RBFOX3: variants seen among roughly 807,000 people sequenced by gnomAD.
RBFOX3 encodes RNA binding protein fox-1 homolog 3.
A neutral mutation model predicts 48.7 loss-of-function variants in RBFOX3; 17 were observed. The observed-to-expected ratio is 0.35, with a 90% confidence interval of 0.24 to 0.52. The LOEUF (loss-of-function observed/expected upper bound fraction) is 0.52, where lower values mean the gene tolerates loss of function less well. Ranked by LOEUF, RBFOX3 falls within the 20% of genes least tolerant of loss-of-function variation. The pLI is 0.94. For missense variants in RBFOX3, 382 were observed against 497.5 expected, an observed-to-expected ratio of 0.77 and a Z score of 2.21; for synonymous variants, 212 against 209.5, an observed-to-expected ratio of 1.01 and a Z score of -0.10.
intron 1 of RBFOX3, among the ~76,000 whole-genome samples, chr17:79,561,390 C>A (rs2092205526): frequency 6.6e-6 from 1 of 152,104 alleles, no homozygotes. Flanking sequence ...AAATCCTAGA[C>A]CTCCCTCTGC....
At chr17:79,174,581 T>C (rs986536279) in intron 4 of RBFOX3, among the ~76,000 whole-genome samples, 3 of 151,234 alleles carry the variant, frequency 2.0e-5, no homozygotes, top group Non-Finnish European at 2.9e-5. Flanking sequence ...CACTCATACA[T>C]TGACACATGC....
chr17:79,221,281 G>A (rs2606184), intron 4 of RBFOX3, among the ~76,000 whole-genome samples: 11,884 of 152,326 alleles, frequency 0.078, 575 homozygotes, highest in African/African-American at 0.14. Context: ...CCACCCGGGC[G>A]GTTGCCTGCT....
At chr17:79,394,460 C>A (rs1325203990) in intron 2 of RBFOX3, among the ~76,000 whole-genome samples, 2 of 152,160 alleles carry the variant, frequency 1.3e-5, no homozygotes, top group African/African-American at 4.8e-5. Flanking sequence ...CTTCTATGTC[C>A]ACCCTAGGCC....
chr17:79,129,568 C>T (rs1419616929), intron 4 of RBFOX3, among the ~76,000 whole-genome samples: 1 of 152,240 alleles, frequency 6.6e-6, no homozygotes, highest in Non-Finnish European at 1.5e-5. Context: ...TCCTGAGACC[C>T]TGATATGCAC....
chr17:79,393,238 C>T (rs900054217), intron 2 of RBFOX3, among the ~76,000 whole-genome samples: 10 of 152,230 alleles, frequency 6.6e-5, no homozygotes, highest in East Asian at 1.9e-4. Context: ...CCCGCGTAGC[C>T]GCCTGCTGCA....
At chr17:79,620,356 C>G in the RBFOX3 span, among the ~76,000 whole-genome samples, 1 of 149,974 alleles carries the variant, frequency 6.7e-6, no homozygotes, top group Non-Finnish European at 1.5e-5. Context: ...CACACACGGA[C>G]ATGGACACAC....
chr17:79,372,457 C>G (rs2058691294), intron 2 of RBFOX3, among the ~76,000 whole-genome samples: 1 of 150,858 alleles, frequency 6.6e-6, no homozygotes, highest in African/African-American at 2.4e-5. Context: ...ATGTCTCCCC[C>G]CTGGACTTAT....
intron 2 of RBFOX3, among the ~76,000 whole-genome samples, chr17:79,354,641 C>T (rs1166548733): frequency 3.3e-5 from 5 of 152,262 alleles, no homozygotes; most frequent in Admixed American, 6.5e-5. Flanking sequence ...ACAGACTGCG[C>T]GTTCAGCGCA....
chr17:79,462,113 T>G (rs2075442572), intron 2 of RBFOX3, among the ~76,000 whole-genome samples: 1 of 152,220 alleles, frequency 6.6e-6, no homozygotes, highest in South Asian at 2.1e-4. Context: ...AGTGTCTGCC[T>G]CTCTCTCTAG....
At chr17:79,620,563 ACC>A in the RBFOX3 span, among the ~76,000 whole-genome samples, 1 of 141,458 alleles carries the variant, frequency 7.1e-6, no homozygotes, top group Non-Finnish European at 1.5e-5. Flanking sequence ...ACATGTGCAC[ACC>A]CGCGCGTGCA....
rs2061175581 is a variant in RBFOX3 at position 79,390,062 on chromosome 17, G to A, written c.-174-82238C>T. ...AGCCTCCAGGTCTCCGCAGCCGCCGGGTCTCCGCAGCCTCCGGGTCTCCGC... is the reference window on the plus strand; with the variant it reads ...AGCCTCCAGGTCTCCGCAGCCGCCGAGTCTCCGCAGCCTCCGGGTCTCCGC... On this transcript the variant is annotated intron_variant, in intron 2 of 14. Coordinates refer to ENST00000693108, the MANE Select transcript of RBFOX3 (RefSeq NM_001350451.2). This position sits in a 1 kb window ranked among gnomAD's most constrained non-coding sequence, Gnocchi z 4.2. Among the ~76,000 whole-genome samples the A allele has an allele frequency of 2.0e-5, 3 of 150,558 alleles. No individual in the cohort carries two copies.
intron 2 of RBFOX3, among the ~76,000 whole-genome samples, chr17:79,344,058 A>T (rs1216701509): frequency 6.6e-6 from 1 of 152,108 alleles, no homozygotes; most frequent in Non-Finnish European, 1.5e-5. Flanking sequence ...TATATAAACC[A>T]CATCAAATCT....
At chr17:79,108,180 G>A (rs890310446) in intron 5 of RBFOX3, among the ~76,000 whole-genome samples, 1 of 152,226 alleles carries the variant, frequency 6.6e-6, no homozygotes, top group Non-Finnish European at 1.5e-5. Flanking sequence ...TGGCTTCTGG[G>A]ACAGGACGCC....
intron 2 of RBFOX3, among the ~76,000 whole-genome samples, chr17:79,420,168 CACACACAAAA>C (rs1568217953): frequency 1.8e-4 from 18 of 99,082 alleles, no homozygotes; most frequent in Admixed American, 7.9e-4. Context: ...CACACACACA[CACACACAAAA>C]GATGGTTAAC....
chr17:79,356,209 T>C (rs1002571367), intron 2 of RBFOX3, among the ~76,000 whole-genome samples: 7 of 152,030 alleles, frequency 4.6e-5, no homozygotes, highest in South Asian at 2.1e-4. Context: ...TGGAGAGGCA[T>C]GTTCTCCCAG....
intron 2 of RBFOX3, among the ~76,000 whole-genome samples, chr17:79,456,993 G>A (rs1370770813): frequency 6.6e-6 from 1 of 152,206 alleles, no homozygotes; most frequent in Non-Finnish European, 1.5e-5. Context: ...TGTGTTATAG[G>A]CAGAGGTACA....
chr17:79,443,378 C>T lies in RBFOX3; in HGVS notation c.-175+39076G>A, dbSNP rs1168609868. 6.6e-6 allele frequency among the ~76,000 whole-genome samples: 1 copy of T among 152,086 alleles called. No homozygotes were observed. Among genetic ancestry groups the T allele is most frequent in the Non-Finnish European group, 1.5e-5 (1 of 67,978 alleles). Reference sequence around the variant, plus strand: ...CACACAAATGCACACTCACATACACCCTTGCCTCTTTTTTTTTTCTTTTGA... The same window carrying T: ...CACACAAATGCACACTCACATACACTCTTGCCTCTTTTTTTTTTCTTTTGA... On this transcript the variant is annotated intron_variant, in intron 2 of 14. Coordinates refer to ENST00000693108, the MANE Select transcript of RBFOX3 (RefSeq NM_001350451.2). This position sits in a 1 kb window ranked among gnomAD's most constrained non-coding sequence, Gnocchi z 4.4.
At chr17:79,280,237 GCACACACA>G (rs10561578) in intron 3 of RBFOX3, among the ~76,000 whole-genome samples, 2 of 149,034 alleles carry the variant, frequency 1.3e-5, no homozygotes, top group African/African-American at 5.0e-5. Flanking sequence ...ACGCACACAT[GCACACACA>G]CACACATGCA....
At chr17:79,129,554 G>C (rs778338204) in intron 4 of RBFOX3, among the ~76,000 whole-genome samples, 14 of 152,206 alleles carry the variant, frequency 9.2e-5, no homozygotes, top group Non-Finnish European at 1.6e-4. Context: ...GACCAACCAG[G>C]GTTTCCTGAG....
Sources: gnomAD v4.1 joint callset for allele counts (sites outside exome capture counted in the v4.1 genomes callset) on GRCh38, gnomAD v4.1.1 for gene constraint, Gnocchi (gnomAD v3.1) non-coding constraint, MANE v1.5 for transcripts, NCBI Gene and HGNC (gene_info 2026-07-23, HGNC 2026-07-21) for gene names.